MYO6: variants seen among roughly 807,000 people sequenced by gnomAD.
MYO6 encodes unconventional myosin-VI.
MYO6 carries 74 observed loss-of-function variants against 178.7 expected under a neutral mutation model. The observed-to-expected ratio is 0.41, with a 90% CI of 0.34 to 0.50. MYO6 has a LOEUF of 0.50. Among genes scored for constraint, MYO6 ranks in the 20% least tolerant of loss-of-function variants. The pLI is 0.09. For synonymous variants in MYO6, 477 were observed against 504.6 expected (o/e 0.95, Z 0.73); for missense variants, 1,330 against 1,547.4 (o/e 0.86, Z 2.36).
intron 28 of MYO6, chr6:75,894,736 G>A: frequency 1.1e-6 from 1 of 892,270 alleles, no homozygotes; most frequent in East Asian, 3.0e-5. Context: ...GATGTTGTTG[G>A]GTTCTATGCT....
At chr6:75,899,984 T>C (rs547467294) in intron 30 of MYO6, among the ~76,000 whole-genome samples, 2,372 of 148,856 alleles carry the variant, frequency 0.016, 65 homozygotes, top group African/African-American at 0.056. Context: ...GAATATGTGG[T>C]GTTTGGTTTT....
chr6:75,757,578 C>A (rs747952790), intron 1 of MYO6, among the ~76,000 whole-genome samples: 1 of 151,640 alleles, frequency 6.6e-6, no homozygotes, highest in African/African-American at 2.4e-5. Context: ...ACTACTTGGT[C>A]GTCAGGCTTA....
intron 1 of MYO6, among the ~76,000 whole-genome samples, chr6:75,808,898 A>T (rs1189589422): frequency 6.6e-6 from 1 of 152,200 alleles, no homozygotes; most frequent in African/African-American, 2.4e-5. Context: ...AATCATAGGT[A>T]GATAAGAGAC....
intron 1 of MYO6, among the ~76,000 whole-genome samples, chr6:75,810,083 CAAA>C (rs60265510): frequency 1.0e-4 from 8 of 76,984 alleles, no homozygotes; most frequent in Admixed American, 1.6e-4. Flanking sequence ...GACTCTGTCT[CAAA>C]AAAAAAAAAA....
intron 1 of MYO6, among the ~76,000 whole-genome samples, chr6:75,769,894 T>C (rs528139993): frequency 8.2e-4 from 125 of 152,010 alleles, no homozygotes; most frequent in African/African-American, 2.9e-3. Context: ...GGTGAGACTC[T>C]GTCTCAAAGG....
chr6:75,907,941 TA>T (rs1217246782), intron 31 of MYO6, among the ~76,000 whole-genome samples: 1 of 152,116 alleles, frequency 6.6e-6, no homozygotes, highest in Admixed American at 6.5e-5. Context: ...ACAATTAGAG[TA>T]AAATACTATA....
chr6:75,869,194 G>A (rs1776942087), intron 18 of MYO6, among the ~76,000 whole-genome samples: 1 of 150,260 alleles, frequency 6.7e-6, no homozygotes, highest in Non-Finnish European at 1.5e-5. Context: ...CAGGCATGGT[G>A]GTTCAGATTG....
intron 1 of MYO6, among the ~76,000 whole-genome samples, chr6:75,814,418 C>G (rs773161193): frequency 3.9e-5 from 6 of 152,074 alleles, no homozygotes; most frequent in Non-Finnish European, 8.8e-5. Flanking sequence ...TATGAAGATG[C>G]TTTTTTTGGG....
chr6:75,761,360 C>T (rs575426089), intron 1 of MYO6, among the ~76,000 whole-genome samples: 2 of 152,144 alleles, frequency 1.3e-5, no homozygotes, highest in African/African-American at 4.8e-5. Flanking sequence ...ACCATATGAC[C>T]AGCTGTCACG....
chr6:75,780,429 G>A (rs887407502), intron 1 of MYO6, among the ~76,000 whole-genome samples: 2 of 152,244 alleles, frequency 1.3e-5, no homozygotes, highest in Admixed American at 6.5e-5. Flanking sequence ...GTGACAGAGC[G>A]AGACTCTATC....
chr6:75,899,892 C>A (rs1244036225), intron 30 of MYO6, among the ~76,000 whole-genome samples: 1 of 116,158 alleles, frequency 8.6e-6, no homozygotes, highest in Non-Finnish European at 1.7e-5. Flanking sequence ...CCCCTCCCCC[C>A]ACCCTACAAC....
chr6:75,874,970 A>G (rs1317903306), intron 20 of MYO6, among the ~76,000 whole-genome samples: 1 of 152,122 alleles, frequency 6.6e-6, no homozygotes, highest in Admixed American at 6.5e-5. Flanking sequence ...CCCTTTTAAC[A>G]TATCCTTTTC....
intron 20 of MYO6, among the ~76,000 whole-genome samples, chr6:75,873,926 G>A (rs2208798): frequency 0.13 from 19,507 of 152,096 alleles, 1,328 homozygotes; most frequent in Non-Finnish European, 0.15. Flanking sequence ...TGCTCTGTTT[G>A]CTTTATGCCT....
At chr6:75,855,039 A>G in intron 11 of MYO6, 100 bp from the exon 12 acceptor site, 1 of 1,071,092 alleles carries the variant, frequency 9.3e-7, no homozygotes, top group East Asian at 2.6e-5. Context: ...CTTGCCTATT[A>G]TATGGTTTTT....
chr6:75,799,406 A>T (rs1011474902), intron 1 of MYO6, among the ~76,000 whole-genome samples: 1 of 146,174 alleles, frequency 6.8e-6, no homozygotes, highest in East Asian at 2.0e-4. Flanking sequence ...AAAAAAAAAA[A>T]GTATTTTACT....
chr6:75,898,337 T>C (rs1779465339), intron 29 of MYO6, 36 bp from the exon 30 acceptor site: 1 of 1,473,104 alleles, frequency 6.8e-7, no homozygotes, highest in African/African-American at 1.4e-5. Flanking sequence ...AGTATGACTT[T>C]TATGTAACCA....
At chr6:75,863,266 A>G (rs1776352768) in intron 16 of MYO6, among the ~76,000 whole-genome samples, 1 of 152,216 alleles carries the variant, frequency 6.6e-6, no homozygotes, top group Non-Finnish European at 1.5e-5. Flanking sequence ...GTTGTGGCTT[A>G]GAACTCTTGA....
intron 1 of MYO6, among the ~76,000 whole-genome samples, chr6:75,815,821 A>G (rs1771181079): frequency 6.6e-6 from 1 of 152,226 alleles, no homozygotes; most frequent in South Asian, 2.1e-4. Flanking sequence ...GCCACACAAA[A>G]GGAGGATTAT....
At chr6:75,899,824 C>T (rs1449328129) in intron 30 of MYO6, among the ~76,000 whole-genome samples, 3 of 148,808 alleles carry the variant, frequency 2.0e-5, no homozygotes, top group Admixed American at 1.3e-4. Context: ...CATGCTGGTG[C>T]GCTGCACCCA....
Sources: gnomAD v4.1 joint callset for allele counts (sites outside exome capture counted in the v4.1 genomes callset) on GRCh38, gnomAD v4.1.1 for gene constraint, MANE v1.5 for transcripts, NCBI Gene and HGNC (gene_info 2026-07-23, HGNC 2026-07-21) for gene names.